The following SAMD12 variants were observed in gnomAD, a reference collection of about 807,000 sequenced individuals.
SAMD12 encodes sterile alpha motif domain containing 12.
A neutral mutation model predicts 15.0 loss-of-function variants in SAMD12; 9 were observed. The ratio of observed to expected loss-of-function variants is 0.60; its 90% CI spans 0.36 to 1.05. The LOEUF (loss-of-function observed/expected upper bound fraction) is 1.05, where lower values mean the gene tolerates loss of function less well. Among genes scored for constraint, SAMD12 ranks in the 50% least tolerant of loss-of-function variants. The pLI is 0.01. For synonymous variants in SAMD12, 86 were observed against 90.1 expected, an observed-to-expected ratio of 0.96 and a Z score of 0.25; for missense variants, 230 against 234.2, an observed-to-expected ratio of 0.98 and a Z score of 0.12.
rs900137897 is a variant in SAMD12 at position 118,480,144 on chromosome 8, T to C, written c.193-40183A>G. Among the ~76,000 whole-genome samples the C allele has an allele frequency of 3.3e-5, 5 of 152,204 alleles. 1 individual carries two copies. In the East Asian group the frequency reaches 9.6e-4, roughly 29 times the overall value. On this transcript the variant is annotated intron_variant, in intron 2 of 3. Coordinates refer to ENST00000314727, the MANE Select transcript of SAMD12 (RefSeq NM_207506.3). Reference sequence around the variant, plus strand: ...GTTTTCTCTTTCATTCCAGCTTCAGTAGCAGGGATGTTGTACTTGATTACT... The same window carrying C: ...GTTTTCTCTTTCATTCCAGCTTCAGCAGCAGGGATGTTGTACTTGATTACT...
At chr8:118,565,561 C>T in intron 2 of SAMD12, among the ~76,000 whole-genome samples, 1 of 152,228 alleles carries the variant, frequency 6.6e-6, no homozygotes, top group East Asian at 1.9e-4. Context: ...CATGCACACA[C>T]CTCGTGTGAC....
chr8:118,329,592 T>A (rs1295755013), intron 4 of SAMD12, among the ~76,000 whole-genome samples: 1 of 152,124 alleles, frequency 6.6e-6, no homozygotes, highest in Non-Finnish European at 1.5e-5. Flanking sequence ...GTGTTCATTA[T>A]CCACTTGAAA....
chr8:118,555,530 C>G (rs1355106090), intron 2 of SAMD12, among the ~76,000 whole-genome samples: 1 of 152,140 alleles, frequency 6.6e-6, no homozygotes, highest in Non-Finnish European at 1.5e-5. Flanking sequence ...CCACACTATC[C>G]CAGGGACACT....
chr8:118,293,392 G>A (rs985707692), intron 4 of SAMD12, among the ~76,000 whole-genome samples: 1 of 152,140 alleles, frequency 6.6e-6, no homozygotes, highest in South Asian at 2.1e-4. Flanking sequence ...ACCTTCTTGA[G>A]GGCCAGAAAA....
chr8:118,152,454 C>CCTCCCTT, the SAMD12 span, among the ~76,000 whole-genome samples: 11 of 144,274 alleles, frequency 7.6e-5, no homozygotes, highest in South Asian at 2.2e-4. Context: ...CTCCCTCCCT[C>CCTCCCTT]CCTACCTTCC....
At chr8:118,205,773 C>T (rs948510105) in intron 4 of SAMD12, among the ~76,000 whole-genome samples, 11 of 152,082 alleles carry the variant, frequency 7.2e-5, no homozygotes, top group Admixed American at 6.5e-5. Context: ...TTGCAGTCCT[C>T]GTTGCTTGGA....
chr8:118,381,836 TA>T (rs1563813178), intron 3 of SAMD12, among the ~76,000 whole-genome samples: 1 of 152,226 alleles, frequency 6.6e-6, no homozygotes, highest in Non-Finnish European at 1.5e-5. Context: ...TAATCTGTTA[TA>T]GCAGCAGTTG....
chr8:118,165,952 G>T, the SAMD12 span, among the ~76,000 whole-genome samples: 1 of 152,022 alleles, frequency 6.6e-6, no homozygotes, highest in African/African-American at 2.4e-5. Flanking sequence ...TGGCTTCTAG[G>T]TTGGTACACT....
chr8:118,577,401 T>A (rs1302781191), intron 2 of SAMD12, among the ~76,000 whole-genome samples: 1 of 152,102 alleles, frequency 6.6e-6, no homozygotes, highest in African/African-American at 2.4e-5. Flanking sequence ...ACAGGGTAGA[T>A]TAAGCACATG....
At chr8:118,603,654 A>G (rs1000748033) in intron 1 of SAMD12, among the ~76,000 whole-genome samples, 4 of 152,160 alleles carry the variant, frequency 2.6e-5, no homozygotes, top group African/African-American at 9.7e-5. Context: ...AACAAAGAAC[A>G]CTCAGGATCC....
At chr8:118,316,816 GTT>G (rs35418863) in intron 4 of SAMD12, among the ~76,000 whole-genome samples, 46,206 of 116,806 alleles carry the variant, frequency 0.4, 7,512 homozygotes, top group African/African-American at 0.62. Context: ...TTAAAAAAAA[GTT>G]TTTTTTTTTT....
intron 4 of SAMD12, among the ~76,000 whole-genome samples, chr8:118,324,438 C>T (rs6996602): frequency 0.32 from 48,899 of 152,038 alleles, 8,669 homozygotes; most frequent in African/African-American, 0.48. Flanking sequence ...GGAGGGCAAA[C>T]GAGTGCATGT....
chr8:118,327,419 CAT>C (rs1479852768), intron 4 of SAMD12, among the ~76,000 whole-genome samples: 2 of 152,104 alleles, frequency 1.3e-5, no homozygotes, highest in African/African-American at 2.4e-5. Context: ...AAGCATAAGA[CAT>C]AGTATCCCCA....
chr8:118,332,029 T>G (rs1326550224), intron 4 of SAMD12, among the ~76,000 whole-genome samples: 1 of 151,954 alleles, frequency 6.6e-6, no homozygotes, highest in African/African-American at 2.4e-5. Flanking sequence ...CCAAATCCCC[T>G]AGGTGGGGTG....
At chr8:118,228,428 G>A (rs953899694) in intron 4 of SAMD12, among the ~76,000 whole-genome samples, 3 of 151,872 alleles carry the variant, frequency 2.0e-5, no homozygotes, top group Non-Finnish European at 2.9e-5. Context: ...ACTCAAACAA[G>A]TCAGTAAGAA....
chr8:118,219,563 G>C (rs13278792), intron 4 of SAMD12, among the ~76,000 whole-genome samples: 75,666 of 152,044 alleles, frequency 0.5, 20,691 homozygotes, highest in Non-Finnish European at 0.62. Flanking sequence ...GTTGGCCTCT[G>C]ACTGCTTTGA....
chr8:118,311,929 A>G (rs1197525556), intron 4 of SAMD12, among the ~76,000 whole-genome samples: 1 of 152,016 alleles, frequency 6.6e-6, no homozygotes, highest in African/African-American at 2.4e-5. Context: ...ATGACCTCAC[A>G]CTCAGTAGGT....
intron 3 of SAMD12, among the ~76,000 whole-genome samples, chr8:118,431,703 T>C (rs1822422641): frequency 6.6e-6 from 1 of 151,704 alleles, no homozygotes; most frequent in East Asian, 1.9e-4. Flanking sequence ...TGTGTGTGTG[T>C]GTGTGTGTGT....
At chr8:118,248,447 T>C (rs1044524975) in intron 4 of SAMD12, among the ~76,000 whole-genome samples, 5 of 152,114 alleles carry the variant, frequency 3.3e-5, no homozygotes, top group Non-Finnish European at 7.4e-5. Context: ...CACTGATGGA[T>C]TGGAGGAGGC....
Sources: allele counts gnomAD v4.1 joint callset (sites outside exome capture counted in the v4.1 genomes callset), GRCh38; gene constraint gnomAD v4.1.1; transcripts MANE v1.5; gene names NCBI Gene and HGNC (gene_info 2026-07-23, HGNC 2026-07-21).